The following NR5A2 variants were observed in gnomAD, a reference collection of about 807,000 sequenced individuals.
The protein encoded by NR5A2 is nuclear receptor subfamily 5 group A member 2.
In NR5A2, 26 loss-of-function variants were observed where a neutral mutation model predicts 62.7. The ratio of observed to expected loss-of-function variants is 0.41; its 90% CI spans 0.30 to 0.58. The LOEUF (loss-of-function observed/expected upper bound fraction) is 0.58. NR5A2 is among the 20% of genes least tolerant of loss of function. The pLI is 0.22. For synonymous variants in NR5A2, 246 were observed against 241.7 expected (o/e 1.02, Z -0.16); for missense variants, 541 against 669.1 (o/e 0.81, Z 2.11).
chr1:200,133,540 T>TACACAC lies in NR5A2; in HGVS notation c.1378+12586_1378+12587insCACACA, dbSNP rs1291222694. Among the ~76,000 whole-genome samples, 9 of 57,024 alleles carry TACACAC rather than the reference T, an allele frequency of 1.6e-4. No homozygotes were observed. In the South Asian group the frequency reaches 5.3e-3, roughly 34 times the overall value. 37.4% of individuals were successfully genotyped at this position (57,024 alleles called of 152,430 possible). A position where few individuals can be genotyped will look rare whatever the true frequency, so the allele number is the denominator to read the frequency against. ...ATATATATATATACACACACATATA[T>TACACAC]ATATATACACATATATACACACATA... On this transcript the variant is annotated intron_variant, in intron 7 of 7. Transcript: ENST00000367362.
intron 5 of NR5A2, among the ~76,000 whole-genome samples, chr1:200,095,981 C>G (rs964390568): frequency 2.0e-5 from 3 of 152,166 alleles, no homozygotes; most frequent in Non-Finnish European, 4.4e-5. Flanking sequence ...TAATGGCCAA[C>G]ATCATTAAGA....
At chr1:200,038,933 C>T (rs1179749294) in intron 1 of NR5A2, among the ~76,000 whole-genome samples, 1 of 152,028 alleles carries the variant, frequency 6.6e-6, no homozygotes. Flanking sequence ...AACCCGCGTC[C>T]GCATTCACTG....
intron 5 of NR5A2, chr1:200,054,260 G>A (rs1216396070): frequency 6.6e-6 from 1 of 152,058 alleles, no homozygotes; most frequent in African/African-American, 2.4e-5. Flanking sequence ...GCTCTTGACT[G>A]TTTCCTTGTG....
At chr1:200,148,230 G>T (rs1396109894) in intron 7 of NR5A2, 15 of 229,960 alleles carry the variant, frequency 6.5e-5, no homozygotes, top group African/African-American at 3.5e-4. Context: ...ACTCCACAGC[G>T]GCAGCATCCA....
At chr1:200,046,600 C>T (rs1662374917) in intron 4 of NR5A2, among the ~76,000 whole-genome samples, 1 of 151,924 alleles carries the variant, frequency 6.6e-6, no homozygotes, top group African/African-American at 2.4e-5. Context: ...ACGCTTCTTC[C>T]GAACAGAGGT....
At chr1:200,086,808 G>A (rs1664550432) in intron 5 of NR5A2, among the ~76,000 whole-genome samples, 1 of 152,118 alleles carries the variant, frequency 6.6e-6, no homozygotes, top group Non-Finnish European at 1.5e-5. Context: ...GGCGGCCAAG[G>A]CGGCTAGATC....
chr1:200,137,561 A>T (rs1176051838), intron 7 of NR5A2, among the ~76,000 whole-genome samples: 1 of 152,146 alleles, frequency 6.6e-6, no homozygotes, highest in East Asian at 1.9e-4. Context: ...TTGATTGAAA[A>T]TCATTACCAG....
intron 5 of NR5A2, among the ~76,000 whole-genome samples, chr1:200,050,406 T>G (rs1169702295): frequency 6.6e-6 from 1 of 152,222 alleles, no homozygotes; most frequent in Non-Finnish European, 1.5e-5. Context: ...GGTTGTTAGA[T>G]TCTCTGAGCC....
chr1:200,078,910 G>T (rs185696447), intron 5 of NR5A2, among the ~76,000 whole-genome samples: 52 of 152,276 alleles, frequency 3.4e-4, no homozygotes, highest in African/African-American at 1.2e-3. Context: ...TACTCAGGCT[G>T]ACAAATTCTT....
intron 5 of NR5A2, among the ~76,000 whole-genome samples, chr1:200,108,837 G>C (rs1402555963): frequency 6.6e-6 from 1 of 152,170 alleles, no homozygotes; most frequent in East Asian, 1.9e-4. Context: ...ATCAGTTCCT[G>C]GAATCTGCTG....
chr1:200,040,900 A>T (rs563203308), intron 2 of NR5A2, among the ~76,000 whole-genome samples: 27 of 152,306 alleles, frequency 1.8e-4, no homozygotes, highest in African/African-American at 6.0e-4. Context: ...GTGATCCGTT[A>T]CCCCATCGGT....
At chr1:200,143,264 CT>C (rs1430626722) in intron 7 of NR5A2, among the ~76,000 whole-genome samples, 1 of 152,124 alleles carries the variant, frequency 6.6e-6, no homozygotes, top group Non-Finnish European at 1.5e-5. Flanking sequence ...GTTTAGGCTT[CT>C]GCACTGTGGT....
Position 200,048,925 on chromosome 1 carries a change from T to C in NR5A2, c.1110+107T>C, listed in dbSNP as rs1662510190. The C allele has an allele frequency of 3.7e-6, 5 of 1,361,410 alleles. No individual in the cohort carries two copies. The highest frequency in any genetic ancestry group is 2.1e-5 in the Admixed American group (1 of 47,648). 84.3% of individuals were successfully genotyped at this position (1,361,410 alleles called of 1,614,324 possible). On this transcript the variant is annotated intron_variant, in intron 5 of 7. Coordinates refer to ENST00000367362, the MANE Select transcript of NR5A2 (RefSeq NM_205860.3). The surrounding 1 kb of genome is among the most constrained non-coding windows in gnomAD (Gnocchi z 4.8). Reference sequence around the variant, plus strand: ...TGAAAATATGTGTTCCTTAATTTTCTACTTTGTATGATTTACAGAGTAGAC... The same window carrying C: ...TGAAAATATGTGTTCCTTAATTTTCCACTTTGTATGATTTACAGAGTAGAC...
chr1:200,121,563 T>A lies in NR5A2; in HGVS notation c.1378+608T>A, dbSNP rs527916162. 1.1e-4 allele frequency among the ~76,000 whole-genome samples: 17 copies of A among 152,272 alleles called. No homozygotes were observed. The East Asian group carries it at 3.3e-3, about 29-fold the overall frequency. ...AGATTAGCTAAATCAAGGTTCTCAG[T>A]GAGTCAGTTGAGAAAAATCACCACA... On this transcript the variant is annotated intron_variant, in intron 7 of 7. Coordinates refer to ENST00000367362, the MANE Select transcript of NR5A2 (RefSeq NM_205860.3).
chr1:200,044,980 TA>T (rs3838446), intron 3 of NR5A2, among the ~76,000 whole-genome samples: 6,976 of 142,722 alleles, frequency 0.049, 212 homozygotes, highest in African/African-American at 0.094. Flanking sequence ...TGACATTTGT[TA>T]AAAAAAAAAA....
At chr1:200,122,389 G>A (rs1666518569) in intron 7 of NR5A2, among the ~76,000 whole-genome samples, 1 of 152,122 alleles carries the variant, frequency 6.6e-6, no homozygotes. Context: ...ATAAGAAACT[G>A]TATAGCATCT....
chr1:200,087,403 C>CG (rs1553270478), intron 5 of NR5A2, among the ~76,000 whole-genome samples: 2 of 151,148 alleles, frequency 1.3e-5, no homozygotes, highest in African/African-American at 2.4e-5. Context: ...CTTTATTTCC[C>CG]TTTTTTTTTG....
intron 7 of NR5A2, among the ~76,000 whole-genome samples, chr1:200,141,215 G>C (rs527875643): frequency 6.6e-6 from 1 of 152,136 alleles, no homozygotes; most frequent in Non-Finnish European, 1.5e-5. Flanking sequence ...ACATAATCAT[G>C]ATACAGAACT....
At chr1:200,066,316 G>T (rs2737649) in intron 5 of NR5A2, among the ~76,000 whole-genome samples, 7 of 151,922 alleles carry the variant, frequency 4.6e-5, no homozygotes, top group African/African-American at 1.7e-4. Flanking sequence ...TTTGGCTTAA[G>T]CCTTTGGGAG....
Sources: allele counts gnomAD v4.1 joint callset (sites outside exome capture counted in the v4.1 genomes callset), GRCh38; gene constraint gnomAD v4.1.1; non-coding constraint Gnocchi (gnomAD v3.1); transcripts MANE v1.5; gene names NCBI Gene and HGNC (gene_info 2026-07-23, HGNC 2026-07-21).